The following RALGAPA1 variants were observed in gnomAD, a reference collection of about 807,000 sequenced individuals.
RALGAPA1 encodes the protein Ral GTPase activating protein catalytic subunit alpha 1, also known as ral GTPase-activating protein subunit alpha-1.
A neutral mutation model predicts 269.6 loss-of-function variants in RALGAPA1; 52 were observed. That is an observed-to-expected ratio of 0.19 (90% CI 0.15 to 0.24). The LOEUF is 0.24. RALGAPA1 is among the 10% of genes least tolerant of loss of function. The probability of loss-of-function intolerance (pLI) is 1.00; values close to 1 mark genes in which losing one functional copy is unlikely to be tolerated. For synonymous variants in RALGAPA1, 817 were observed against 1,008.3 expected (o/e 0.81, Z 3.60); for missense variants, 1,917 against 3,013.9 (o/e 0.64, Z 8.52).
intron 37 of RALGAPA1, among the ~76,000 whole-genome samples, chr14:35,584,107 T>C (rs969654771): frequency 1.3e-5 from 2 of 152,102 alleles, no homozygotes; most frequent in Non-Finnish European, 2.9e-5. Context: ...AGTTTAATAA[T>C]AGCAGCAATG....
chr14:35,664,565 A>G (rs1389225225), intron 27 of RALGAPA1, 77 bp downstream of exon 27: 1 of 1,194,646 alleles, frequency 8.4e-7, no homozygotes, highest in Non-Finnish European at 1.2e-6. Context: ...AAGAAAAGAA[A>G]GAATACAAAT....
At chr14:35,666,910 TTTA>T (rs1313669366) in intron 26 of RALGAPA1, among the ~76,000 whole-genome samples, 1 of 152,112 alleles carries the variant, frequency 6.6e-6, no homozygotes, top group African/African-American at 2.4e-5. Flanking sequence ...ATGACATTGG[TTTA>T]TATATTGGAA....
chr14:35,657,051 A>T (rs1486454396), intron 28 of RALGAPA1, among the ~76,000 whole-genome samples: 8 of 151,886 alleles, frequency 5.3e-5, no homozygotes, highest in Admixed American at 2.0e-4. Context: ...GGATATATAT[A>T]TTTTTTTCTT....
intron 10 of RALGAPA1, chr14:35,748,378 CTT>C (rs35805261): frequency 0.055 from 13,902 of 250,560 alleles, 113 homozygotes; most frequent in East Asian, 0.13. Flanking sequence ...CTCTCTCGCT[CTT>C]TTTTTTTTTT....
intron 39 of RALGAPA1, among the ~76,000 whole-genome samples, chr14:35,566,867 TTATATATATATATATATTTGTAC>T (rs1337898236): frequency 6.9e-6 from 1 of 145,240 alleles, no homozygotes; most frequent in Non-Finnish European, 1.5e-5. Flanking sequence ...ACTTTGTACA[TTATATATATATATATATTTGTAC>T]TATATATATA....
chr14:35,624,040 TC>T (rs1196926773), intron 35 of RALGAPA1, among the ~76,000 whole-genome samples: 1 of 149,008 alleles, frequency 6.7e-6, no homozygotes, highest in Admixed American at 6.8e-5. Flanking sequence ...TGAGCCGAGA[TC>T]GCACCACTGC....
intron 31 of RALGAPA1, among the ~76,000 whole-genome samples, 181 bp from the exon 32 acceptor site, chr14:35,635,779 G>A (rs1269582368): frequency 1.3e-5 from 2 of 152,182 alleles, no homozygotes; most frequent in East Asian, 1.9e-4. Flanking sequence ...ATTATTGTGG[G>A]TTTCTCTTTC....
At position 35,742,350 on chromosome 14, in the gene RALGAPA1, T is replaced by A. The variant is rs1178226576; in HGVS notation, c.1449+18A>T. On this transcript the variant is annotated intron_variant, in intron 11 of 41. Transcript: ENST00000680220. ...TCTATTAGACTAACACTAAAATATATAAATCTTATAACTTCACCTCTTCTC... is the reference window on the plus strand; with the variant it reads ...TCTATTAGACTAACACTAAAATATAAAAATCTTATAACTTCACCTCTTCTC... The A allele has an allele frequency of 1.3e-6, 2 of 1,534,350 alleles. No individual in the cohort carries two copies. Among genetic ancestry groups the A allele is most frequent in the African/African-American group, 2.8e-5 (2 of 72,488 alleles).
At chr14:35,625,491 C>G in intron 34 of RALGAPA1, 59 bp from the exon 35 acceptor site, 1 of 1,257,790 alleles carries the variant, frequency 8.0e-7, no homozygotes, top group Non-Finnish European at 1.1e-6. Flanking sequence ...CAAGACAGTC[C>G]CGGAAATACT....
At chr14:35,782,345 T>C (rs983515780) in intron 1 of RALGAPA1, among the ~76,000 whole-genome samples, 1 of 152,220 alleles carries the variant, frequency 6.6e-6, no homozygotes, top group African/African-American at 2.4e-5. Context: ...AGACATTCTG[T>C]GTTCATGAGT....
At chr14:35,778,253 G>A (rs896831633) in intron 1 of RALGAPA1, among the ~76,000 whole-genome samples, 7 of 152,124 alleles carry the variant, frequency 4.6e-5, no homozygotes, top group Non-Finnish European at 7.3e-5. Context: ...GTCTTGTTAT[G>A]TTGCCCAGGC....
intron 1 of RALGAPA1, among the ~76,000 whole-genome samples, chr14:35,780,781 A>G (rs1434298707): frequency 6.6e-6 from 1 of 152,150 alleles, no homozygotes; most frequent in Non-Finnish European, 1.5e-5. Context: ...ATCGAACCAT[A>G]ATGTTCCACC....
chr14:35,718,634 G>A (rs758781651), intron 16 of RALGAPA1, among the ~76,000 whole-genome samples: 1 of 151,920 alleles, frequency 6.6e-6, no homozygotes, highest in Non-Finnish European at 1.5e-5. Flanking sequence ...TGGCCAACAT[G>A]GTGAAACTCC....
intron 39 of RALGAPA1, among the ~76,000 whole-genome samples, chr14:35,555,428 C>T (rs35081235): frequency 0.13 from 19,324 of 152,044 alleles, 1,254 homozygotes; most frequent in African/African-American, 0.14. Flanking sequence ...AAAATCTTTA[C>T]AGAGAAAATT....
At chr14:35,564,154 T>C (rs1250143340) in intron 39 of RALGAPA1, among the ~76,000 whole-genome samples, 1 of 152,204 alleles carries the variant, frequency 6.6e-6, no homozygotes, top group Non-Finnish European at 1.5e-5. Flanking sequence ...GGTTACCTAG[T>C]GCTTCATGTG....
chr14:35,651,964 C>T (rs572762357), intron 30 of RALGAPA1, 91 bp from the exon 31 acceptor site: 2 of 1,030,100 alleles, frequency 1.9e-6, no homozygotes, highest in South Asian at 1.8e-5. Context: ...TGAAGTGATA[C>T]AAAACCTACT....
At chr14:35,644,282 T>C (rs1025424417) in intron 31 of RALGAPA1, among the ~76,000 whole-genome samples, 9 of 152,192 alleles carry the variant, frequency 5.9e-5, no homozygotes, top group African/African-American at 2.2e-4. Context: ...GCAAAGACTA[T>C]CTAGGCTATG....
intron 39 of RALGAPA1, among the ~76,000 whole-genome samples, chr14:35,554,115 A>C (rs1222534166): frequency 6.6e-6 from 1 of 152,148 alleles, no homozygotes; most frequent in Non-Finnish European, 1.5e-5. Context: ...CTTAAATCAT[A>C]TTTGAGTTGT....
intron 12 of RALGAPA1, among the ~76,000 whole-genome samples, chr14:35,730,320 C>T (rs2070358316): frequency 1.3e-5 from 2 of 152,156 alleles, no homozygotes; most frequent in African/African-American, 4.8e-5. Flanking sequence ...GTGGAAAATG[C>T]CACAGGGAGA....
Sources: gnomAD v4.1 joint callset for allele counts (sites outside exome capture counted in the v4.1 genomes callset) on GRCh38, gnomAD v4.1.1 for gene constraint, MANE v1.5 for transcripts, NCBI Gene and HGNC (gene_info 2026-07-23, HGNC 2026-07-21) for gene names.